The following TLN2 variants were observed in gnomAD, a reference collection of about 807,000 sequenced individuals.
TLN2 encodes the protein talin-2.
Under a neutral mutation model 294.7 loss-of-function variants are expected in TLN2, and 118 were observed. The ratio of observed to expected loss-of-function variants is 0.40; its 90% CI spans 0.34 to 0.47. TLN2 has a LOEUF of 0.47. TLN2 is among the 20% of genes least tolerant of loss of function. TLN2 has a pLI of 0.84. For missense variants in TLN2, 3,083 were observed against 3,282.2 expected (o/e 0.94, Z 1.48); for synonymous variants, 1,431 against 1,304.5 (o/e 1.10, Z -2.09).
intron 1 of TLN2, among the ~76,000 whole-genome samples, chr15:62,470,993 A>G (rs1425228789): frequency 6.6e-6 from 1 of 152,234 alleles, no homozygotes; most frequent in African/African-American, 2.4e-5. Flanking sequence ...TGAATATCTG[A>G]CACAACATGA....
At position 62,448,280 on chromosome 15, in the gene TLN2, G is replaced by A. The variant is rs12915719; in HGVS notation, c.-238+57595G>A. On this transcript the variant is annotated intron_variant, in intron 1 of 58. Coordinates refer to ENST00000636159, the MANE Select transcript of TLN2 (RefSeq NM_015059.3). ...GGATTCCCAGTCAGGGCCTAATTCC[G>A]TATAGCTGCTCTTGAACAAGTACAT... is the stretch of plus-strand genomic sequence containing the variant. 1.2e-4 allele frequency among the ~76,000 whole-genome samples: 18 copies of A among 152,292 alleles called. No homozygotes were observed. In the Middle Eastern group the frequency reaches 0.01, roughly 86 times the overall value.
intron 1 of TLN2, among the ~76,000 whole-genome samples, chr15:62,413,699 T>C (rs2033911667): frequency 6.6e-6 from 1 of 152,188 alleles, no homozygotes; most frequent in Non-Finnish European, 1.5e-5. Context: ...GCTGAAACTT[T>C]ACAGCGATTC....
intron 1 of TLN2, among the ~76,000 whole-genome samples, chr15:62,439,551 G>C (rs1439683722): frequency 3.9e-5 from 6 of 152,178 alleles, no homozygotes. Flanking sequence ...GACCTCAGGT[G>C]ATCTGCCCGC....
intron 16 of TLN2, among the ~76,000 whole-genome samples, chr15:62,699,975 G>A (rs1296122262): frequency 3.3e-5 from 5 of 152,200 alleles, no homozygotes; most frequent in African/African-American, 1.2e-4. Context: ...GATACAGTCT[G>A]TAGCCTCATC....
At chr15:62,535,490 A>ACC (rs1555424927) in intron 1 of TLN2, among the ~76,000 whole-genome samples, 9 of 147,876 alleles carry the variant, frequency 6.1e-5, no homozygotes, top group East Asian at 2.0e-4. Context: ...ACACACACAC[A>ACC]CCCCTCTCTC....
At chr15:62,598,062 C>G (rs928854504) in intron 2 of TLN2, among the ~76,000 whole-genome samples, 6 of 152,164 alleles carry the variant, frequency 3.9e-5, no homozygotes, top group African/African-American at 1.4e-4. Flanking sequence ...GTGGCCTGAT[C>G]TATAAAATTT....
At chr15:62,478,520 T>C (rs779779864) in intron 1 of TLN2, among the ~76,000 whole-genome samples, 3 of 152,074 alleles carry the variant, frequency 2.0e-5, no homozygotes, top group Non-Finnish European at 4.4e-5. Flanking sequence ...TGTGTTCATT[T>C]TGGAGGCAGA....
intron 1 of TLN2, among the ~76,000 whole-genome samples, chr15:62,488,010 A>G (rs1035619181): frequency 5.9e-5 from 9 of 151,916 alleles, no homozygotes; most frequent in Non-Finnish European, 1.2e-4. Context: ...CCCAGGAGAG[A>G]GAGGCTGTAG....
At chr15:62,475,560 G>C (rs551786232) in intron 1 of TLN2, among the ~76,000 whole-genome samples, 4 of 152,274 alleles carry the variant, frequency 2.6e-5, no homozygotes, top group East Asian at 1.9e-4. Context: ...TTCTGGTCTT[G>C]GGTGGGTAAA....
At chr15:62,768,454 C>A (rs2063155526) in intron 41 of TLN2, among the ~76,000 whole-genome samples, 1 of 152,134 alleles carries the variant, frequency 6.6e-6, no homozygotes. Context: ...GATTTAGAGC[C>A]CGTCCCGGTA....
At chr15:62,786,098 C>G (rs1211632801) in intron 45 of TLN2, among the ~76,000 whole-genome samples, 3 of 152,078 alleles carry the variant, frequency 2.0e-5, no homozygotes, top group African/African-American at 7.2e-5. Context: ...CAGTGGCTTG[C>G]TAAGGAAAAT....
In TLN2 at chr15:62,642,704, T is replaced by G. The variant is rs1250209676; in HGVS notation, c.-36-4571T>G. Among the ~76,000 whole-genome samples, 3 of 151,114 alleles carry G rather than the reference T, an allele frequency of 2.0e-5. No individual in the cohort carries two copies. The East Asian group carries it at 5.8e-4, about 29-fold the overall frequency. Reference sequence around the variant, plus strand: ...TTTGTTTGTTTGTTTGTTTTCTGTTTTTTTTTTTTTTGAGACAGAGTCTTG... The same window carrying G: ...TTTGTTTGTTTGTTTGTTTTCTGTTGTTTTTTTTTTTGAGACAGAGTCTTG... On this transcript the variant is annotated intron_variant, in intron 3 of 58. Transcript: ENST00000636159.
chr15:62,577,460 CAACA>C lies in TLN2; in HGVS notation c.-237-12220_-237-12217del, dbSNP rs1012574511. Among the ~76,000 whole-genome samples, 247 of 152,200 alleles carry C rather than the reference CAACA, an allele frequency of 1.6e-3. 2 individuals carry two copies. The highest frequency in any genetic ancestry group is 5.7e-3 in the African/African-American group (238 of 41,554). On this transcript the variant is annotated intron_variant, in intron 1 of 58. Transcript: ENST00000636159. ...ACTCCATCTCAAAAACAAAACAAAA[CAACA>C]AACAAAAACAAAAAACACAAACAAA...
rs1308262414 is a variant in TLN2, at chr15:62,708,453, G to T, written c.2173-49G>T. Reference sequence around the variant, plus strand: ...GGGACTGCGGGGGCACATGGAGAGGGACCAGGATTCAACCACAGTGCCCAA... The same window carrying T: ...GGGACTGCGGGGGCACATGGAGAGGTACCAGGATTCAACCACAGTGCCCAA... On this transcript the variant is annotated intron_variant, in intron 20 of 58. Coordinates refer to ENST00000636159, the MANE Select transcript of TLN2 (RefSeq NM_015059.3). 3 of 1,586,412 alleles carry T rather than the reference G, an allele frequency of 1.9e-6. No homozygotes were observed. In the South Asian group the frequency reaches 3.4e-5, roughly 18 times the overall value.
At chr15:62,488,617 T>C (rs77531721) in intron 1 of TLN2, among the ~76,000 whole-genome samples, 1 of 152,188 alleles carries the variant, frequency 6.6e-6, no homozygotes, top group African/African-American at 2.4e-5. Flanking sequence ...AAACAAAACT[T>C]GGATGAGACC....
At chr15:62,653,748 T>TAAA (rs36124921) in intron 7 of TLN2, among the ~76,000 whole-genome samples, 38 of 135,376 alleles carry the variant, frequency 2.8e-4, no homozygotes, top group African/African-American at 8.3e-4. Flanking sequence ...AAATAAAAAT[T>TAAA]AAAAAAAAAA....
At chr15:62,828,529 GTGT>G in intron 54 of TLN2, 4 of 152,222 alleles carry the variant, frequency 2.6e-5, no homozygotes, top group Admixed American at 2.6e-4. Context: ...AAATGCCACT[GTGT>G]TTACATTTGT....
chr15:62,463,416 T>C lies in TLN2; in HGVS notation c.-238+72731T>C, dbSNP rs140840217. On this transcript the variant is annotated intron_variant, in intron 1 of 58. Coordinates refer to ENST00000636159, the MANE Select transcript of TLN2 (RefSeq NM_015059.3). ...CACTTAGCTTGTAAATCTGAAATGATGTAGAAAGCATAAAAGTTTGATTCT... is the reference window on the plus strand; with the variant it reads ...CACTTAGCTTGTAAATCTGAAATGACGTAGAAAGCATAAAAGTTTGATTCT... Among the ~76,000 whole-genome samples the C allele has an allele frequency of 4.4e-4, 67 of 152,332 alleles. 1 individual carries two copies. The East Asian group carries it at 0.013, about 29-fold the overall frequency.
At chr15:62,483,962 G>T (rs541007997) in intron 1 of TLN2, among the ~76,000 whole-genome samples, 15 of 152,288 alleles carry the variant, frequency 9.8e-5, no homozygotes, top group Non-Finnish European at 2.1e-4. Flanking sequence ...AAGATGTTAG[G>T]GAAAGTGGTG....
Sources: allele counts gnomAD v4.1 joint callset (sites outside exome capture counted in the v4.1 genomes callset), GRCh38; gene constraint gnomAD v4.1.1; transcripts MANE v1.5; gene names NCBI Gene and HGNC (gene_info 2026-07-23, HGNC 2026-07-21).